Variants in L3MBTL4 observed in about 807,000 individuals in gnomAD.
The protein encoded by L3MBTL4 is lethal(3)malignant brain tumor-like protein 4.
In L3MBTL4, 70 loss-of-function variants were observed where a neutral mutation model predicts 84.5. The observed-to-expected ratio is 0.83, with a 90% CI of 0.68 to 1.01. The LOEUF (loss-of-function observed/expected upper bound fraction) is 1.01, where lower values mean the gene tolerates loss of function less well. L3MBTL4 is among the 50% of genes least tolerant of loss of function. The pLI, the probability that L3MBTL4 is intolerant of heterozygous loss-of-function variation, is 0.00. For synonymous variants in L3MBTL4, 274 were observed against 259.8 expected, an observed-to-expected ratio of 1.05 and a Z score of -0.52; for missense variants, 715 against 754.8, an observed-to-expected ratio of 0.95 and a Z score of 0.62.
At chr18:6,153,730 T>C (rs1009038035) in intron 13 of L3MBTL4, among the ~76,000 whole-genome samples, 18 of 152,142 alleles carry the variant, frequency 1.2e-4, no homozygotes, top group African/African-American at 4.1e-4. Flanking sequence ...GTTCTCATGA[T>C]AGTGAGTGAG....
At chr18:5,973,636 C>T (rs558371256) in intron 16 of L3MBTL4, among the ~76,000 whole-genome samples, 5 of 152,232 alleles carry the variant, frequency 3.3e-5, no homozygotes, top group African/African-American at 1.2e-4. Context: ...AGGCATAGAC[C>T]GTTTCCAGAA....
At chr18:6,332,163 T>C (rs578242911) in intron 1 of L3MBTL4, among the ~76,000 whole-genome samples, 5 of 152,236 alleles carry the variant, frequency 3.3e-5, no homozygotes, top group Admixed American at 6.5e-5. Context: ...CTGACATAAT[T>C]TGAAAGCAGG....
At chr18:6,229,128 T>C (rs558856160) in intron 10 of L3MBTL4, among the ~76,000 whole-genome samples, 64 of 152,318 alleles carry the variant, frequency 4.2e-4, no homozygotes, top group African/African-American at 1.5e-3. Flanking sequence ...TTAGTGTTCG[T>C]GTGAATAGTA....
intron 16 of L3MBTL4, among the ~76,000 whole-genome samples, chr18:6,077,699 C>T (rs1389781748): frequency 6.8e-6 from 1 of 147,720 alleles, no homozygotes; most frequent in East Asian, 2.0e-4. Flanking sequence ...AAATAGAGCA[C>T]AAATTTTAGC....
intron 16 of L3MBTL4, among the ~76,000 whole-genome samples, chr18:6,055,808 C>T (rs560060280): frequency 5.2e-4 from 79 of 152,244 alleles, no homozygotes; most frequent in African/African-American, 1.9e-3. Context: ...TCTCAGACCC[C>T]CAGGGAAGGA....
chr18:6,032,099 T>A (rs760779845), intron 16 of L3MBTL4: 13 of 211,968 alleles, frequency 6.1e-5, no homozygotes, highest in Non-Finnish European at 9.9e-5. Flanking sequence ...TGCCTCAGCT[T>A]CCCCAGTAGG....
intron 4 of L3MBTL4, among the ~76,000 whole-genome samples, chr18:6,280,007 A>G (rs1196170685): frequency 6.6e-6 from 1 of 152,216 alleles, no homozygotes; most frequent in Non-Finnish European, 1.5e-5. Flanking sequence ...ATATTATTCA[A>G]GATTATTTTT....
chr18:6,307,581 A>G (rs1436482284), intron 3 of L3MBTL4, among the ~76,000 whole-genome samples: 1 of 152,194 alleles, frequency 6.6e-6, no homozygotes, highest in Non-Finnish European at 1.5e-5. Context: ...CAAGCTCCCG[A>G]TGACTCTACC....
intron 4 of L3MBTL4, among the ~76,000 whole-genome samples, chr18:6,269,201 G>T (rs575094550): frequency 7.9e-4 from 121 of 152,278 alleles, no homozygotes; most frequent in Non-Finnish European, 1.4e-3. Context: ...GGTGGCTCAC[G>T]CCTGTAATCC....
chr18:6,040,489 T>G (rs1194403346), intron 16 of L3MBTL4, among the ~76,000 whole-genome samples: 2 of 152,226 alleles, frequency 1.3e-5, no homozygotes, highest in Admixed American at 6.5e-5. Flanking sequence ...CCAAAAACTT[T>G]ACTAATTACA....
chr18:6,196,189 G>A (rs1472089545), intron 12 of L3MBTL4, among the ~76,000 whole-genome samples: 24 of 130,478 alleles, frequency 1.8e-4, no homozygotes, highest in Non-Finnish European at 2.9e-4. Context: ...ACTGAGTCTC[G>A]CTCTGTTGCC....
chr18:6,205,776 G>A (rs2045850180), intron 12 of L3MBTL4, among the ~76,000 whole-genome samples: 1 of 152,178 alleles, frequency 6.6e-6, no homozygotes, highest in Non-Finnish European at 1.5e-5. Flanking sequence ...TATTCTTCCA[G>A]TGGTTAAAAA....
At chr18:6,257,645 CTTTTT>C (rs770563046) in intron 5 of L3MBTL4, among the ~76,000 whole-genome samples, 2 of 127,506 alleles carry the variant, frequency 1.6e-5, no homozygotes, top group Non-Finnish European at 3.3e-5. Context: ...TTTTCTTTTT[CTTTTT>C]TTTTTTTTTT....
chr18:6,264,794 A>T (rs1446105654), intron 4 of L3MBTL4, among the ~76,000 whole-genome samples: 1 of 152,202 alleles, frequency 6.6e-6, no homozygotes, highest in Non-Finnish European at 1.5e-5. Context: ...TGGGGAAAAA[A>T]AAATCGTTCC....
chr18:6,105,183 A>ATTTTT (rs869169400), intron 14 of L3MBTL4, among the ~76,000 whole-genome samples: 9 of 100,424 alleles, frequency 9.0e-5, no homozygotes, highest in Non-Finnish European at 1.7e-4. Flanking sequence ...AACACCACCA[A>ATTTTT]TTTTTTTTTT....
chr18:6,414,912 G>A (rs1380254260), upstream of L3MBTL4: 2 of 149,446 alleles, frequency 1.3e-5, no homozygotes, highest in Non-Finnish European at 1.5e-5. The surrounding 1 kb of genome is among the most constrained non-coding windows in gnomAD (Gnocchi z 5.4). Context: ...CGCGGTGCCC[G>A]GCGGGAGGGG....
At chr18:6,014,299 T>C (rs1567983778) in intron 16 of L3MBTL4, among the ~76,000 whole-genome samples, 3 of 152,236 alleles carry the variant, frequency 2.0e-5, no homozygotes, top group Non-Finnish European at 1.5e-5. Flanking sequence ...ATGTGGGCCT[T>C]CTTCTTTGAA....
At chr18:6,033,719 T>C (rs538716823) in intron 16 of L3MBTL4, among the ~76,000 whole-genome samples, 15 of 152,360 alleles carry the variant, frequency 9.8e-5, no homozygotes, top group African/African-American at 3.4e-4. Context: ...GTATATTCTA[T>C]AGCTGTTTTC....
rs530836473 is a variant in L3MBTL4 at position 6,293,816 on chromosome 18, C to T, written c.127+8087G>A. Among the ~76,000 whole-genome samples, 6 of 152,292 alleles carry T rather than the reference C, an allele frequency of 3.9e-5. No homozygotes were observed. The East Asian group carries it at 9.6e-4, about 24-fold the overall frequency. Reference sequence around the variant, plus strand: ...TATCAGACAAATCCAAACTGACAGACATTTTACAAAATAATTGGCCTGTAA... The same window carrying T: ...TATCAGACAAATCCAAACTGACAGATATTTTACAAAATAATTGGCCTGTAA... On this transcript the variant is annotated intron_variant, in intron 4 of 18. Coordinates refer to ENST00000317931, the MANE Select transcript of L3MBTL4 (RefSeq NM_001330559.2).
Sources: gnomAD v4.1 joint callset for allele counts (sites outside exome capture counted in the v4.1 genomes callset) on GRCh38, gnomAD v4.1.1 for gene constraint, Gnocchi (gnomAD v3.1) non-coding constraint, MANE v1.5 for transcripts, NCBI Gene and HGNC (gene_info 2026-07-23, HGNC 2026-07-21) for gene names.